The following SEC24D variants were observed in gnomAD, a reference collection of about 807,000 sequenced individuals.
SEC24D encodes SEC24 homolog D, COPII component.
In SEC24D, 69 loss-of-function variants were observed where a neutral mutation model predicts 116.9. The ratio of observed to expected loss-of-function variants is 0.59; its 90% CI spans 0.49 to 0.72. The LOEUF (loss-of-function observed/expected upper bound fraction) is 0.72, where lower values mean the gene tolerates loss of function less well. SEC24D is among the 30% of genes least tolerant of loss of function. The probability of loss-of-function intolerance (pLI) is 0.00; values close to 1 mark genes in which losing one functional copy is unlikely to be tolerated. For missense variants in SEC24D, 1,131 were observed against 1,264.1 expected, an observed-to-expected ratio of 0.89 and a Z score of 1.60; for synonymous variants, 405 against 442.8, an observed-to-expected ratio of 0.91 and a Z score of 1.07.
rs763881124 is a variant in SEC24D at position 118,739,192 on chromosome 4, C to T, written c.2334G>A (p.Lys778=). ...NCSSQLADLY[K]SCETDALINF... Reference sequence around the variant, plus strand: ...TGATAAGAGCATCTGTCTCACAGCTCTTATAAAGATCAGCTAGCTGAGAGC... The same window carrying T: ...TGATAAGAGCATCTGTCTCACAGCTTTTATAAAGATCAGCTAGCTGAGAGC... Residue 778 remains lysine (K), a synonymous_variant, in exon 18 of 23, where the codon AAG becomes AAA. Transcript: ENST00000280551. 13 of 1,613,614 alleles carry T rather than the reference C, an allele frequency of 8.1e-6. No homozygotes were observed. In the East Asian group the frequency reaches 2.2e-4, roughly 28 times the overall value.
intron 4 of SEC24D, 135 bp from the exon 5 acceptor site, chr4:118,815,861 T>C: frequency 1.1e-6 from 1 of 897,494 alleles, no homozygotes; most frequent in Non-Finnish European, 1.7e-6. Flanking sequence ...TGTTTGGGTT[T>C]TTTGCCACAA....
At chr4:118,825,153 C>T (rs560913451) in intron 2 of SEC24D, among the ~76,000 whole-genome samples, 13 of 152,274 alleles carry the variant, frequency 8.5e-5, no homozygotes, top group Non-Finnish European at 1.6e-4. Flanking sequence ...CTAACTGTAA[C>T]TAAACGGGGC....
rs951647442 is a variant in SEC24D, at chr4:118,817,123, G to A, written c.397+141C>T. ...AACTATAGCCATACATAAGATAGAT[G>A]CTTTATTATTAAAAATGTCCAAATA... is the stretch of plus-strand genomic sequence containing the variant. On this transcript the variant is annotated intron_variant, in intron 4 of 22. Coordinates refer to ENST00000280551, the MANE Select transcript of SEC24D (RefSeq NM_014822.4). 3.1e-5 allele frequency: 21 copies of A among 678,050 alleles called. No homozygotes were observed. In the African/African-American group the frequency reaches 3.5e-4, roughly 11 times the overall value. 42.0% of individuals were successfully genotyped at this position (678,050 alleles called of 1,614,324 possible).
At chr4:118,812,580 G>C (rs1380383839) in intron 6 of SEC24D, among the ~76,000 whole-genome samples, 2 of 151,986 alleles carry the variant, frequency 1.3e-5, no homozygotes, top group Non-Finnish European at 2.9e-5. Context: ...TGACAGACAT[G>C]GGAAGAGGCG....
chr4:118,731,132 A>G, intron 21 of SEC24D, 184 bp downstream of exon 21: 4 of 596,792 alleles, frequency 6.7e-6, no homozygotes, highest in South Asian at 6.1e-5. Flanking sequence ...GTTTGAAAGT[A>G]CTCTATACAA....
chr4:118,826,727 T>C (rs960043519), intron 2 of SEC24D, among the ~76,000 whole-genome samples: 6 of 151,656 alleles, frequency 4.0e-5, no homozygotes, highest in African/African-American at 9.7e-5. Flanking sequence ...TATAGACATG[T>C]CTAGAGAATT....
chr4:118,774,191 CT>C (rs1021353414), intron 8 of SEC24D, among the ~76,000 whole-genome samples: 7 of 151,668 alleles, frequency 4.6e-5, no homozygotes, highest in African/African-American at 1.7e-4. Flanking sequence ...GATTGTTTTC[CT>C]TTTTTTCTTT....
chr4:118,822,438 C>T (rs1402105071), intron 3 of SEC24D, among the ~76,000 whole-genome samples: 1 of 152,118 alleles, frequency 6.6e-6, no homozygotes, highest in Non-Finnish European at 1.5e-5. Context: ...AAATAAATGG[C>T]AATAAACCAA....
intron 6 of SEC24D, among the ~76,000 whole-genome samples, chr4:118,812,758 CA>C (rs1354488762): frequency 6.6e-6 from 1 of 152,126 alleles, no homozygotes; most frequent in Non-Finnish European, 1.5e-5. Flanking sequence ...TACAGCAAGG[CA>C]AAAACCTGGG....
intron 4 of SEC24D, 59 bp downstream of exon 4, chr4:118,817,205 C>G: frequency 1.4e-6 from 2 of 1,386,088 alleles, no homozygotes; most frequent in East Asian, 4.8e-5. Flanking sequence ...GAAAACCTCT[C>G]TCATTAAAAA....
At chr4:118,752,187 GTATT>G (rs1396914956) in intron 12 of SEC24D, 98 bp from the exon 13 acceptor site, 1 of 764,938 alleles carries the variant, frequency 1.3e-6, no homozygotes, top group African/African-American at 1.8e-5. Context: ...AACACATATG[GTATT>G]TATTTGACAC....
intron 5 of SEC24D, 63 bp downstream of exon 5, chr4:118,815,388 G>GTT: frequency 6.4e-7 from 1 of 1,569,696 alleles, no homozygotes; most frequent in Non-Finnish European, 8.7e-7. Flanking sequence ...GAACAAAGCT[G>GTT]ATTTTCAGTT....
intron 10 of SEC24D, among the ~76,000 whole-genome samples, chr4:118,761,403 A>G (rs1727372393): frequency 1.3e-5 from 2 of 152,244 alleles, no homozygotes; most frequent in Admixed American, 6.5e-5. Flanking sequence ...CATTTAACAA[A>G]CATGTATAAA....
At chr4:118,806,336 A>AT (rs1408911760) in intron 6 of SEC24D, among the ~76,000 whole-genome samples, 12 of 151,126 alleles carry the variant, frequency 7.9e-5, no homozygotes, top group South Asian at 2.1e-4. Context: ...TTATTTATTT[A>AT]TTTTTTTTCA....
intron 2 of SEC24D, among the ~76,000 whole-genome samples, chr4:118,826,817 CT>C (rs1371493438): frequency 6.6e-6 from 1 of 152,084 alleles, no homozygotes; most frequent in Non-Finnish European, 1.5e-5. Flanking sequence ...TGGGAATCAA[CT>C]CTATGGCAGT....
At chr4:118,830,247 A>C (rs1730787883) in intron 2 of SEC24D, among the ~76,000 whole-genome samples, 1 of 152,214 alleles carries the variant, frequency 6.6e-6, no homozygotes, top group Non-Finnish European at 1.5e-5. Context: ...GAAGGATTTA[A>C]TCCAACAAAG....
intron 18 of SEC24D, 106 bp from the exon 19 acceptor site, chr4:118,738,485 G>C: frequency 1.3e-6 from 1 of 783,074 alleles, no homozygotes; most frequent in Middle Eastern, 2.7e-4. Context: ...AGACCACCCA[G>C]CAAGAATAAT....
rs115079965 is a variant in SEC24D at position 118,787,900 on chromosome 4, A to G, written c.1041+9783T>C. 5.3e-3 allele frequency among the ~76,000 whole-genome samples: 809 copies of G among 152,142 alleles called. 3 individuals are homozygous for G. Among genetic ancestry groups the G allele is most frequent in the African/African-American group, 0.015 (632 of 41,508 alleles). On this transcript the variant is annotated intron_variant, in intron 8 of 22. Transcript: ENST00000280551. ...CTATGATAGCTCACTGCAGTCTCAC[A>G]CTCCTGAGCTCAAGTGATTCTCCTG... is the stretch of plus-strand genomic sequence containing the variant.
intron 8 of SEC24D, among the ~76,000 whole-genome samples, chr4:118,777,018 C>A (rs982848801): frequency 6.6e-6 from 1 of 152,058 alleles, no homozygotes; most frequent in African/African-American, 2.4e-5. Flanking sequence ...ATAAATTAGT[C>A]AAAGTATTCC....
Sources: gnomAD v4.1 joint callset for allele counts (sites outside exome capture counted in the v4.1 genomes callset) on GRCh38, gnomAD v4.1.1 for gene constraint, MANE v1.5 for transcripts, NCBI Gene and HGNC (gene_info 2026-07-23, HGNC 2026-07-21) for gene names.